Variants in SVIL observed in about 807,000 individuals in gnomAD.
The protein encoded by SVIL is supervillin.
SVIL carries 101 observed loss-of-function variants against 240.4 expected under a neutral mutation model. The observed-to-expected ratio is 0.42, with a 90% CI of 0.36 to 0.50. The LOEUF is 0.50. Among genes scored for constraint, SVIL ranks in the 20% least tolerant of loss-of-function variants. The pLI is 0.01. For missense variants in SVIL, 2,512 were observed against 2,818.7 expected (o/e 0.89, Z 2.46); for synonymous variants, 999 against 1,100.0 (o/e 0.91, Z 1.82).
At chr10:29,563,471 C>T (rs1057206051) in intron 2 of SVIL, among the ~76,000 whole-genome samples, 179 bp from the exon 3 acceptor site, 3 of 152,096 alleles carry the variant, frequency 2.0e-5, no homozygotes, top group Non-Finnish European at 2.9e-5. Flanking sequence ...ATTTATATTT[C>T]TGTAAATATT....
Position 29,610,448 on chromosome 10 carries a change from A to ATTT in SVIL, c.-201+23969_-201+23971dup, listed in dbSNP as rs113668853. 1.3e-3 allele frequency among the ~76,000 whole-genome samples: 173 copies of ATTT among 137,206 alleles called. 3 individuals carry two copies. Among genetic ancestry groups the ATTT allele is most frequent in the South Asian group, 5.4e-3 (22 of 4,110 alleles). 90.0% of individuals were successfully genotyped at this position (137,206 alleles called of 152,430 possible). A position where few individuals can be genotyped will look rare whatever the true frequency, so the allele number is the denominator to read the frequency against. ...CCCAAACAAGCTCCATTCACTCTGC[A>ATTT]TTTTTTTTTTTTTTTTTTTGAGACA... is the stretch of plus-strand genomic sequence containing the variant. On this transcript the variant is annotated intron_variant, in intron 1 of 37. Transcript: ENST00000355867.
intron 3 of SVIL, among the ~76,000 whole-genome samples, chr10:29,641,519 G>A (rs901846478): frequency 6.6e-6 from 1 of 152,072 alleles, no homozygotes; most frequent in African/African-American, 2.4e-5. Flanking sequence ...AATGAGCCGA[G>A]ATCGCGCCAC....
chr10:29,481,432 G>C, intron 28 of SVIL, 152 bp downstream of exon 28: 1 of 1,038,970 alleles, frequency 9.6e-7, no homozygotes, highest in Non-Finnish European at 1.4e-6. Flanking sequence ...AAAATAGCTA[G>C]AGGAGAAGAT....
intron 12 of SVIL, among the ~76,000 whole-genome samples, chr10:29,528,061 A>T (rs1589124295): frequency 6.6e-6 from 1 of 152,248 alleles, no homozygotes; most frequent in East Asian, 1.9e-4. Flanking sequence ...CAGTGTTCTT[A>T]TACAATCTAT....
intron 1 of SVIL, among the ~76,000 whole-genome samples, chr10:29,696,884 C>T (rs1417773567): frequency 3.3e-5 from 5 of 149,688 alleles, no homozygotes; most frequent in East Asian, 2.1e-4. Context: ...TCTGCCCGGC[C>T]GCCCCTACTG....
chr10:29,615,159 T>C (rs989057503), intron 1 of SVIL, among the ~76,000 whole-genome samples: 1 of 152,080 alleles, frequency 6.6e-6, no homozygotes, highest in African/African-American at 2.4e-5. Context: ...AATGACAGCA[T>C]CTATTTAAGA....
chr10:29,493,066 C>T (rs1473479312), intron 21 of SVIL, 148 bp downstream of exon 21: 2 of 985,306 alleles, frequency 2.0e-6, no homozygotes, highest in Non-Finnish European at 1.5e-6. Context: ...CCTGCAACAC[C>T]TTGCCCTGGC....
intron 1 of SVIL, among the ~76,000 whole-genome samples, chr10:29,690,324 T>C (rs138747647): frequency 1.4e-3 from 218 of 152,332 alleles, no homozygotes; most frequent in African/African-American, 5.1e-3. Context: ...TTTTTCATGA[T>C]AAAGTCCCAA....
chr10:29,491,546 T>C (rs1308504538), intron 21 of SVIL, among the ~76,000 whole-genome samples: 3 of 152,124 alleles, frequency 2.0e-5, no homozygotes, highest in Non-Finnish European at 4.4e-5. Flanking sequence ...ACGCACTGCC[T>C]CCTCTGAAAA....
At chr10:29,486,791 G>T (rs1349119820) in intron 24 of SVIL, among the ~76,000 whole-genome samples, 1 of 152,196 alleles carries the variant, frequency 6.6e-6, no homozygotes, top group Non-Finnish European at 1.5e-5. Context: ...TAGGTCACAT[G>T]TGATGCTTTT....
chr10:29,551,147 T>C lies in SVIL; in HGVS notation c.277A>G (p.Met93Val), dbSNP rs1265370817. Residue 93 changes from methionine (M) to valine (V), a missense_variant, in exon 6 of 38, where the codon ATG becomes GTG. Met to Val is a conservative substitution (Grantham distance 21, BLOSUM62 1). Around this residue, in one of 3 missense-constraint regions of SVIL, gnomAD observed 1,443 missense variants for 1,486.6 expected, o/e 0.97. Coordinates refer to ENST00000355867, the MANE Select transcript of SVIL (RefSeq NM_021738.3). ...HGDSPYGSGT[M>V]DTHSLESKAE... ...TTGGACTCCAGACTGTGGGTGTCCA[T>C]GGTACCCGAACCATAGGGTGAGTCA... 1 of 1,614,062 alleles carries C rather than the reference T, an allele frequency of 6.2e-7. No homozygotes were observed. The highest frequency in any genetic ancestry group is 2.2e-5 in the East Asian group (1 of 44,880).
intron 18 of SVIL, chr10:29,496,247 T>C (rs370964008): frequency 8.1e-5 from 29 of 356,494 alleles, no homozygotes; most frequent in African/African-American, 3.0e-4. Flanking sequence ...ATTATATACA[T>C]ATATTTGATT....
Position 29,566,400 on chromosome 10 carries a change from C to T in SVIL, c.-143+2855G>A, listed in dbSNP as rs1451897136. ...CCTGCTCCCGCTAAATGACTGGGGG[C>T]TTCTGAGAAATCAGATGAGCAGACA... On this transcript the variant is annotated intron_variant, in intron 2 of 37. Transcript: ENST00000355867. 2.6e-5 allele frequency among the ~76,000 whole-genome samples: 4 copies of T among 152,204 alleles called. No homozygotes were observed. The East Asian group carries it at 5.8e-4, about 22-fold the overall frequency.
chr10:29,714,682 G>T (rs116499266), intron 1 of SVIL, among the ~76,000 whole-genome samples: 33 of 152,154 alleles, frequency 2.2e-4, no homozygotes, highest in African/African-American at 7.7e-4. Context: ...AGGCTTGGCC[G>T]GGCGTGGTGA....
intron 2 of SVIL, among the ~76,000 whole-genome samples, chr10:29,674,484 A>C (rs1011175359): frequency 2.0e-5 from 3 of 152,212 alleles, no homozygotes; most frequent in Non-Finnish European, 4.4e-5. Flanking sequence ...AAAATAAATT[A>C]GCTTAGAAAA....
At chr10:29,733,581 A>C (rs1328710677) in intron 1 of SVIL, among the ~76,000 whole-genome samples, 1 of 152,194 alleles carries the variant, frequency 6.6e-6, no homozygotes, top group Non-Finnish European at 1.5e-5. Flanking sequence ...TTGGTACTAC[A>C]TGTGTGAGGC....
At chr10:29,661,284 G>A (rs1307050456) in intron 2 of SVIL, among the ~76,000 whole-genome samples, 1 of 152,056 alleles carries the variant, frequency 6.6e-6, no homozygotes, top group Non-Finnish European at 1.5e-5. Flanking sequence ...TATATTGACA[G>A]GAAAACCCCA....
intron 1 of SVIL, among the ~76,000 whole-genome samples, chr10:29,570,748 T>G (rs1955364286): frequency 6.6e-6 from 1 of 152,368 alleles, no homozygotes; most frequent in South Asian, 2.1e-4. Context: ...TTCAGTGGTT[T>G]AGTAGTAACT....
intron 1 of SVIL, among the ~76,000 whole-genome samples, chr10:29,720,839 T>C (rs1355219667): frequency 6.6e-6 from 1 of 152,194 alleles, no homozygotes; most frequent in Non-Finnish European, 1.5e-5. Flanking sequence ...AGATGTATAC[T>C]CTAAATAGTT....
Sources: allele counts gnomAD v4.1 joint callset (sites outside exome capture counted in the v4.1 genomes callset), GRCh38; gene constraint gnomAD v4.1.1; regional missense constraint gnomAD v4.1.1; transcripts MANE v1.5; gene names NCBI Gene and HGNC (gene_info 2026-07-23, HGNC 2026-07-21).